The following ALDH16A1 variants were observed in gnomAD, a reference collection of about 807,000 sequenced individuals.
ALDH16A1 encodes the protein aldehyde dehydrogenase family 16 member A1.
In ALDH16A1, 88 loss-of-function variants were observed where a neutral mutation model predicts 96.1. The observed-to-expected ratio is 0.92, with a 90% CI of 0.77 to 1.09. The LOEUF is 1.09. Among genes scored for constraint, ALDH16A1 ranks in the 50% least tolerant of loss-of-function variants. The probability of loss-of-function intolerance (pLI) is 0.00; values close to 1 mark genes in which losing one functional copy is unlikely to be tolerated. For synonymous variants in ALDH16A1, 522 were observed against 496.4 expected, an observed-to-expected ratio of 1.05 and a Z score of -0.69; for missense variants, 1,250 against 1,112.6, an observed-to-expected ratio of 1.12 and a Z score of -1.76.
intron 8 of ALDH16A1, among the ~76,000 whole-genome samples, chr19:49,462,989 T>C (rs1393852897): frequency 1.1e-5 from 1 of 93,758 alleles, no homozygotes. Flanking sequence ...GGCTGGGGCC[T>C]GGACTCCTGG....
intron 16 of ALDH16A1, chr19:49,469,691 C>T (rs2122431427): frequency 6.6e-6 from 1 of 152,130 alleles, no homozygotes; most frequent in African/African-American, 2.4e-5. Flanking sequence ...AGTGATTCTC[C>T]TGCCTCCCAA....
chr19:49,464,386 C>T (rs370793991), intron 10 of ALDH16A1, 31 bp from the exon 11 acceptor site: 1 of 1,576,414 alleles, frequency 6.3e-7, no homozygotes, highest in Non-Finnish European at 8.6e-7. Context: ...CGTCTGTTTT[C>T]CTCTGTTGGA....
chr19:49,465,711 T>G, intron 12 of ALDH16A1, 27 bp from the exon 13 acceptor site: 4 of 1,599,172 alleles, frequency 2.5e-6, no homozygotes, highest in Non-Finnish European at 3.4e-6. Context: ...GCCCCAGGAC[T>G]CCTCCTCATG....
intron 16 of ALDH16A1, 161 bp from the exon 17 acceptor site, chr19:49,470,145 C>A: frequency 1.2e-6 from 1 of 839,162 alleles, no homozygotes; most frequent in African/African-American, 1.7e-5. Context: ...GTGCTTTTCC[C>A]TACCATCTGG....
At chr19:49,454,128 T>A (rs1244942024) in intron 1 of ALDH16A1, among the ~76,000 whole-genome samples, 1 of 148,822 alleles carries the variant, frequency 6.7e-6, no homozygotes, top group Non-Finnish European at 1.5e-5. Flanking sequence ...GCTCAAGCCA[T>A]CCTCTCACCT....
chr19:49,456,933 A>C (rs1601017396), intron 1 of ALDH16A1, among the ~76,000 whole-genome samples: 1 of 151,428 alleles, frequency 6.6e-6, no homozygotes, highest in African/African-American at 2.4e-5. Context: ...CATGGTAAAA[A>C]CCCATCTCTA....
intron 1 of ALDH16A1, 134 bp downstream of exon 1, chr19:49,453,555 C>G (rs959629031): frequency 1.2e-6 from 1 of 854,810 alleles, no homozygotes; most frequent in Non-Finnish European, 1.8e-6. Context: ...TTCCCGCCGC[C>G]CAATAGGATC....
chr19:49,454,042 T>TTTTTTTTGG (rs2079090877), intron 1 of ALDH16A1, among the ~76,000 whole-genome samples: 3 of 150,190 alleles, frequency 2.0e-5, no homozygotes, highest in Non-Finnish European at 3.0e-5. Context: ...TTTTTTTTTT[T>TTTTTTTTGG]GAGCCAGGGT....
In ALDH16A1 at chr19:49,453,432, G is replaced by T. The variant is rs1304539134; in HGVS notation, c.90+11G>T. 2.6e-6 allele frequency: 4 copies of T among 1,529,400 alleles called. No homozygotes were observed. Among genetic ancestry groups the T allele is most frequent in the African/African-American group, 1.4e-5 (1 of 73,122 alleles). The allele number at this position is 1,529,400 out of a possible 1,614,324, so 94.7% of individuals were successfully genotyped here. ...CACGCATGCGCACTGGTGAGAGTCT[G>T]CCCGGCCGGCGCTGCTCGCTGCGTT... is the stretch of plus-strand genomic sequence containing the variant. On this transcript the variant is annotated intron_variant, in intron 1 of 16. Coordinates refer to ENST00000293350, the MANE Select transcript of ALDH16A1 (RefSeq NM_153329.4).
In ALDH16A1 at chr19:49,462,572, T is replaced by C. The variant is rs1568652624; in HGVS notation, c.915T>C (p.Gly305=). The change falls in exon 8 of 17, where the codon GGT becomes GGC. Residue 305 remains glycine (G), a splice_region_variant and synonymous_variant. Coordinates refer to ENST00000293350, the MANE Select transcript of ALDH16A1 (RefSeq NM_153329.4). The part of the protein sequence containing the change: ...VDAAWSDRGP[G]GLRLLIQESV... ...CCTGATGCCCCTTTTCCTCACAGGG[T>C]GGCCTCAGGCTCCTCATCCAGGAGT... is the stretch of plus-strand genomic sequence containing the variant. 7.4e-6 allele frequency: 12 copies of C among 1,612,536 alleles called. No homozygotes were observed. The highest frequency in any genetic ancestry group is 1.0e-5 in the Non-Finnish European group (12 of 1,179,754).
At chr19:49,460,947 G>A in intron 5 of ALDH16A1, 48 bp downstream of exon 5, 1 of 1,574,550 alleles carries the variant, frequency 6.4e-7, no homozygotes, top group Non-Finnish European at 8.7e-7. Context: ...GAGAAAGGAG[G>A]GGATCGTGGG....
intron 5 of ALDH16A1, among the ~76,000 whole-genome samples, chr19:49,461,143 T>TGGGGTCTGGACTCCTAGGTCTGAGGGA (rs1340545910): frequency 7.0e-6 from 1 of 143,132 alleles, no homozygotes; most frequent in Admixed American, 7.0e-5. Context: ...GAGGAGGGGC[T>TGGGGTCTGGACTCCTAGGTCTGAGGGA]GGAGTCTGGA....
At position 49,459,140 on chromosome 19, in the gene ALDH16A1, G is replaced by C. The variant is rs945218939; in HGVS notation, c.320+54G>C. On this transcript the variant is annotated intron_variant, in intron 3 of 16. Transcript: ENST00000293350. This position sits in a 1 kb window ranked among gnomAD's most constrained non-coding sequence, Gnocchi z 4.1. ...AGGCGGGGAACCCCAGCATCCACTC[G>C]AGACCATGGGAACAAAGGCTATTTC... 21 of 1,573,824 alleles carry C rather than the reference G, an allele frequency of 1.3e-5. No homozygotes were observed. The South Asian group carries it at 2.3e-4, about 17-fold the overall frequency.
rs78750735 is a variant in ALDH16A1, at chr19:49,453,431, T to G, written c.90+10T>G. 1.8e-5 allele frequency: 28 copies of G among 1,531,628 alleles called. No individual in the cohort carries two copies. The highest frequency in any genetic ancestry group is 2.0e-5 in the Non-Finnish European group (23 of 1,137,054). The allele number at this position is 1,531,628 out of a possible 1,614,324, so 94.9% of individuals were successfully genotyped here. A position where few individuals can be genotyped will look rare whatever the true frequency, so the allele number is the denominator to read the frequency against. On this transcript the variant is annotated intron_variant, in intron 1 of 16. Transcript: ENST00000293350. ...CCACGCATGCGCACTGGTGAGAGTC[T>G]GCCCGGCCGGCGCTGCTCGCTGCGT...
intron 8 of ALDH16A1, 59 bp from the exon 9 acceptor site, chr19:49,463,795 G>C (rs1237713587): frequency 2.6e-6 from 4 of 1,525,264 alleles, no homozygotes; most frequent in Non-Finnish European, 3.6e-6. Context: ...GGGTCCTGCA[G>C]TCCTCGGTCT....
In ALDH16A1 at chr19:49,461,620, C is replaced by A. The variant is rs770475460; in HGVS notation, c.579C>A (p.Gly193=). ...MWRICPALAV[G]CTVVALVPPA... The stretch of plus-strand genomic sequence containing the variant: ...CTTTGAGCTGCCCCACTTCCCCAGG[C>A]TGCACCGTGGTGGCCCTCGTGCCCC... The change falls in exon 6 of 17, where the codon GGC becomes GGA. Residue 193 remains glycine, a splice_region_variant and synonymous_variant. Coordinates refer to ENST00000293350, the MANE Select transcript of ALDH16A1 (RefSeq NM_153329.4). The A allele has an allele frequency of 1.3e-6, 2 of 1,581,884 alleles. No individual in the cohort carries two copies. The highest frequency in any genetic ancestry group is 1.8e-5 in the Admixed American group (1 of 56,604).
At chr19:49,469,311 G>GC (rs1218498936) in intron 16 of ALDH16A1, 1 of 189,364 alleles carries the variant, frequency 5.3e-6, no homozygotes, top group African/African-American at 2.4e-5. Flanking sequence ...TCACCCAGAT[G>GC]CAATCATACC....
Position 49,462,657 on chromosome 19 carries a change from C to G in ALDH16A1, c.1000C>G (p.Arg334Gly), listed in dbSNP as rs774747114. The G allele has an allele frequency of 2.5e-6, 4 of 1,612,026 alleles. No individual in the cohort carries two copies. The highest frequency in any genetic ancestry group is 2.1e-4 in the Middle Eastern group (1 of 4,866). ...GCGGATGGGGCGGCTTCGGAGTGGC[C>G]GAGGGCTGGATGGGGCCGTGGACAT... ...QERMGRLRSG[R>G]GLDGAVDMGA... is the part of the protein sequence containing the mutation. The change falls in exon 8 of 17, where the codon CGA becomes GGA. Residue 334 changes from arginine to glycine, a missense_variant. Coordinates refer to ENST00000293350, the MANE Select transcript of ALDH16A1 (RefSeq NM_153329.4).
intron 1 of ALDH16A1, among the ~76,000 whole-genome samples, chr19:49,456,201 C>A (rs766945495): frequency 2.0e-5 from 3 of 152,158 alleles, no homozygotes; most frequent in African/African-American, 7.2e-5. Flanking sequence ...TGTGCCTCAA[C>A]CATCATCAAC....
Sources: allele counts gnomAD v4.1 joint callset (sites outside exome capture counted in the v4.1 genomes callset), GRCh38; gene constraint gnomAD v4.1.1; non-coding constraint Gnocchi (gnomAD v3.1); transcripts MANE v1.5; gene names NCBI Gene and HGNC (gene_info 2026-07-23, HGNC 2026-07-21).